The following DIAPH1 variants were observed in gnomAD, a reference collection of about 807,000 sequenced individuals.
The protein encoded by DIAPH1 is diaphanous related formin 1, also known as protein diaphanous homolog 1.
In DIAPH1, 46 loss-of-function variants were observed where a neutral mutation model predicts 140.7. That is an observed-to-expected ratio of 0.33 (90% confidence interval 0.26 to 0.42). The LOEUF is 0.42. Ranked by LOEUF, DIAPH1 falls within the 10% of genes least tolerant of loss-of-function variation. The pLI, the probability that DIAPH1 is intolerant of heterozygous loss-of-function variation, is 1.00. For synonymous variants in DIAPH1, 565 were observed against 551.6 expected, an observed-to-expected ratio of 1.02 and a Z score of -0.34; for missense variants, 1,310 against 1,558.7, an observed-to-expected ratio of 0.84 and a Z score of 2.69.
chr5:141,547,831 A>G (rs1270725215), intron 18 of DIAPH1, among the ~76,000 whole-genome samples: 1 of 152,218 alleles, frequency 6.6e-6, no homozygotes, highest in Non-Finnish European at 1.5e-5. Context: ...GAGAAACTCA[A>G]GTATAAATAC....
At chr5:141,528,380 CA>C in intron 23 of DIAPH1, 72 bp downstream of exon 23, 2 of 1,604,424 alleles carry the variant, frequency 1.2e-6, no homozygotes, top group South Asian at 2.2e-5. Context: ...AATGCTCTCA[CA>C]TCTAGACTGT....
intron 13 of DIAPH1, 77 bp downstream of exon 13, chr5:141,576,679 A>T: frequency 9.6e-7 from 1 of 1,046,558 alleles, no homozygotes; most frequent in Non-Finnish European, 1.5e-6. Context: ...ATCTTCTCTG[A>T]CATTTTCACT....
chr5:141,597,085 C>A (rs970381706), intron 1 of DIAPH1, among the ~76,000 whole-genome samples: 21 of 151,912 alleles, frequency 1.4e-4, no homozygotes, highest in African/African-American at 4.6e-4. Flanking sequence ...TTTGGGAGGA[C>A]CAATATCCAA....
chr5:141,515,507 A>G lies in DIAPH1; in HGVS notation c.*1344T>C, dbSNP rs1383191314. ...GCAAAAGTATCACCCTAAGCCAGAG[A>G]ATTGCAGCTTCCTGTGGTTGGGGCC... On this transcript the variant is annotated 3_prime_UTR_variant, in exon 28 of 28. Transcript: ENST00000389054. 6.6e-6 allele frequency: 1 copy of G among 152,216 alleles called. No homozygotes were observed. The highest frequency in any genetic ancestry group is 1.9e-4 in the East Asian group (1 of 5,202). The allele number at this position is 152,216 out of a possible 1,614,324, so 9.4% of individuals were successfully genotyped here.
chr5:141,539,088 A>C (rs1286793010), intron 18 of DIAPH1, among the ~76,000 whole-genome samples: 1 of 151,790 alleles, frequency 6.6e-6, no homozygotes, highest in Non-Finnish European at 1.5e-5. Context: ...CAGCTTGACC[A>C]ACATGGTGAA....
intron 14 of DIAPH1, among the ~76,000 whole-genome samples, chr5:141,575,835 A>T (rs1329915501): frequency 6.6e-6 from 1 of 152,194 alleles, no homozygotes; most frequent in East Asian, 1.9e-4. Context: ...TAACCACAAT[A>T]AACGTTCTTA....
At chr5:141,618,716 G>A in intron 1 of DIAPH1, 82 bp downstream of exon 1, 1 of 1,028,262 alleles carries the variant, frequency 9.7e-7, no homozygotes, top group Non-Finnish European at 1.4e-6. Context: ...CCCAAAGCCG[G>A]GCAGGCGCCC....
At chr5:141,613,622 T>C (rs2099902189) in intron 1 of DIAPH1, among the ~76,000 whole-genome samples, 1 of 152,202 alleles carries the variant, frequency 6.6e-6, no homozygotes, top group Non-Finnish European at 1.5e-5. Flanking sequence ...TAAGATTTAA[T>C]AATGGATGGA....
chr5:141,553,624 C>G (rs2099892093), intron 18 of DIAPH1, among the ~76,000 whole-genome samples: 1 of 151,788 alleles, frequency 6.6e-6, no homozygotes, highest in Non-Finnish European at 1.5e-5. Flanking sequence ...GCCTGGGCAA[C>G]AAGAGCAAAA....
chr5:141,584,090 C>A (rs1739421159), intron 4 of DIAPH1, 34 bp downstream of exon 4: 2 of 1,354,980 alleles, frequency 1.5e-6, no homozygotes, highest in East Asian at 4.6e-5. Flanking sequence ...AGGGCACAGT[C>A]TCCCATGTCA....
intron 1 of DIAPH1, among the ~76,000 whole-genome samples, chr5:141,612,899 T>C (rs1420903565): frequency 6.6e-6 from 1 of 152,212 alleles, no homozygotes; most frequent in African/African-American, 2.4e-5. Flanking sequence ...TGGTTTTCTG[T>C]GACCTTCAGT....
chr5:141,558,105 C>T (rs1269783904), intron 18 of DIAPH1, among the ~76,000 whole-genome samples: 1 of 152,090 alleles, frequency 6.6e-6, no homozygotes, highest in African/African-American at 2.4e-5. Context: ...CGAATCAGTC[C>T]TACAGAGTCC....
intron 2 of DIAPH1, 139 bp downstream of exon 2, chr5:141,588,081 GAGTT>G (rs770944844): frequency 2.2e-5 from 16 of 737,236 alleles, no homozygotes; most frequent in Admixed American, 6.0e-5. Flanking sequence ...ACACAGCAAA[GAGTT>G]AGGAAAAAAG....
intron 1 of DIAPH1, among the ~76,000 whole-genome samples, chr5:141,614,166 G>T (rs943247480): frequency 6.6e-6 from 1 of 152,136 alleles, no homozygotes; most frequent in Non-Finnish European, 1.5e-5. Flanking sequence ...AAATGGGGAT[G>T]ATTTTTGTAG....
At chr5:141,541,398 TA>T (rs2099889939) in intron 18 of DIAPH1, among the ~76,000 whole-genome samples, 1 of 152,150 alleles carries the variant, frequency 6.6e-6, no homozygotes, top group East Asian at 1.9e-4. Flanking sequence ...TCTTTATATA[TA>T]CTTAAGGGCT....
intron 18 of DIAPH1, among the ~76,000 whole-genome samples, chr5:141,557,124 T>A (rs1235311313): frequency 6.6e-6 from 1 of 152,168 alleles, no homozygotes; most frequent in African/African-American, 2.4e-5. Flanking sequence ...CTGATTCAAA[T>A]GAACTATTAA....
At chr5:141,594,403 G>C (rs917862376) in intron 1 of DIAPH1, among the ~76,000 whole-genome samples, 1 of 152,148 alleles carries the variant, frequency 6.6e-6, no homozygotes, top group Admixed American at 6.6e-5. Flanking sequence ...TTGTCTTAGT[G>C]CTAATCTTAA....
At chr5:141,555,982 C>A (rs1337143534) in intron 18 of DIAPH1, among the ~76,000 whole-genome samples, 1 of 152,206 alleles carries the variant, frequency 6.6e-6, no homozygotes, top group African/African-American at 2.4e-5. Flanking sequence ...TAATTCCCTT[C>A]TATCACCTGT....
chr5:141,610,628 T>C (rs2099901676), intron 1 of DIAPH1, among the ~76,000 whole-genome samples: 1 of 149,260 alleles, frequency 6.7e-6, no homozygotes, highest in African/African-American at 2.5e-5. Context: ...AGAAATGGGG[T>C]TTCACCACAT....
Sources: gnomAD v4.1 joint callset for allele counts (sites outside exome capture counted in the v4.1 genomes callset) on GRCh38, gnomAD v4.1.1 for gene constraint, MANE v1.5 for transcripts, NCBI Gene and HGNC (gene_info 2026-07-23, HGNC 2026-07-21) for gene names.